AK7: variants seen among roughly 807,000 people sequenced by gnomAD.
AK7 encodes adenylate kinase 7.
Under a neutral mutation model 96.6 loss-of-function variants are expected in AK7, and 78 were observed. The ratio of observed to expected loss-of-function variants is 0.81; its 90% CI spans 0.67 to 0.97. The LOEUF is 0.97. Ranked by LOEUF, AK7 falls within the 50% of genes least tolerant of loss-of-function variation. AK7 has a pLI of 0.00. For missense variants in AK7, 855 were observed against 887.9 expected (o/e 0.96, Z 0.47); for synonymous variants, 302 against 317.2 (o/e 0.95, Z 0.51).
intron 8 of AK7, among the ~76,000 whole-genome samples, chr14:96,448,895 G>A (rs547573553): frequency 1.3e-5 from 2 of 152,246 alleles, no homozygotes; most frequent in African/African-American, 4.8e-5. Flanking sequence ...GGCAGAGGTT[G>A]CAGTGAGCTG....
At chr14:96,445,071 C>T (rs1182450509) in intron 7 of AK7, among the ~76,000 whole-genome samples, 1 of 152,206 alleles carries the variant, frequency 6.6e-6, no homozygotes. Flanking sequence ...AGGAAACTAA[C>T]TTTGAAATGA....
intron 8 of AK7, among the ~76,000 whole-genome samples, chr14:96,448,783 C>T (rs947599568): frequency 2.0e-5 from 3 of 151,970 alleles, no homozygotes; most frequent in South Asian, 4.2e-4. Context: ...TGGTGAAAAC[C>T]CTTCTCTACT....
chr14:96,401,087 T>C (rs1890383330), intron 2 of AK7, among the ~76,000 whole-genome samples: 1 of 152,168 alleles, frequency 6.6e-6, no homozygotes. Context: ...CTCATAGCCA[T>C]GTGCCTTAGT....
chr14:96,392,319 C>T, intron 1 of AK7, 60 bp downstream of exon 1: 1 of 1,489,358 alleles, frequency 6.7e-7, no homozygotes, highest in Non-Finnish European at 9.3e-7. Context: ...CCCTCGGCCC[C>T]CGGTCCGCAA....
chr14:96,488,145 T>G (rs1282368256), intron 17 of AK7, 160 bp from the exon 18 acceptor site: 1 of 549,548 alleles, frequency 1.8e-6, no homozygotes, highest in African/African-American at 1.9e-5. Context: ...ACTCCTGACC[T>G]CAAGTGATCC....
At chr14:96,487,225 A>C (rs1460882123) in intron 17 of AK7, among the ~76,000 whole-genome samples, 169 bp downstream of exon 17, 2 of 149,942 alleles carry the variant, frequency 1.3e-5, no homozygotes, top group African/African-American at 4.9e-5. Flanking sequence ...AATACAAAAA[A>C]AAAAAAAAAA....
intron 15 of AK7, among the ~76,000 whole-genome samples, chr14:96,481,293 G>T (rs921407913): frequency 2.1e-4 from 32 of 152,064 alleles, no homozygotes; most frequent in African/African-American, 7.2e-4. Flanking sequence ...TGATATCAAG[G>T]TTGTAACTAC....
At position 96,398,221 on chromosome 14, in the gene AK7, G is replaced by C; in HGVS notation, c.252G>C (p.Lys84Asn). The C allele has an allele frequency of 1.9e-6, 3 of 1,613,802 alleles. No individual in the cohort carries two copies. The highest frequency in any genetic ancestry group is 2.5e-6 in the Non-Finnish European group (3 of 1,180,028). Reference protein sequence around the residue: ...GTFQIVGTLSKPDSPRPDFAV... With the variant: ...GTFQIVGTLSNPDSPRPDFAV... ...TCCAGATTGTGGGCACGCTGTCCAA[G>C]CCTGACAGCCCGCGGCCTGACTTTG... Residue 84 changes from lysine (K) to asparagine (N), a missense_variant, in exon 2 of 18, where the codon AAG becomes AAC. Transcript: ENST00000267584.
At chr14:96,474,587 T>G (rs1168676012) in intron 14 of AK7, among the ~76,000 whole-genome samples, 1 of 152,028 alleles carries the variant, frequency 6.6e-6, no homozygotes, top group Admixed American at 6.6e-5. Flanking sequence ...ATTACACCAC[T>G]GCACTCCAGC....
At chr14:96,462,471 C>A (rs1454765017) in intron 12 of AK7, among the ~76,000 whole-genome samples, 1 of 152,180 alleles carries the variant, frequency 6.6e-6, no homozygotes, top group Non-Finnish European at 1.5e-5. Flanking sequence ...ATGATTCTAG[C>A]AAAACGAGTT....
chr14:96,449,808 A>C lies in AK7; in HGVS notation c.877A>C (p.Ser293Arg). ...HTLEDIVKCI[S>R]KNTGPGKIQK... Reference sequence around the variant, plus strand: ...TTCGATTTTCCTCTAACAGTGTATCAGTAAAAATACTGGCCCTGGGAAAAT... The same window carrying C: ...TTCGATTTTCCTCTAACAGTGTATCCGTAAAAATACTGGCCCTGGGAAAAT... Residue 293 changes from serine to arginine, a missense_variant, in exon 9 of 18, where the codon AGT (serine) becomes CGT (arginine). By Grantham distance (110) the Ser-to-Arg change is moderately radical. Coordinates refer to ENST00000267584, the MANE Select transcript of AK7 (RefSeq NM_152327.5). 4 of 1,608,964 alleles carry C rather than the reference A, an allele frequency of 2.5e-6. No individual in the cohort carries two copies. Among genetic ancestry groups the C allele is most frequent in the Non-Finnish European group, 3.4e-6 (4 of 1,176,678 alleles).
chr14:96,403,162 C>T (rs1890518133), intron 2 of AK7, among the ~76,000 whole-genome samples: 1 of 132,312 alleles, frequency 7.6e-6, no homozygotes, highest in Admixed American at 7.5e-5. Flanking sequence ...AAATGGAGGT[C>T]ATTAAAGTGG....
intron 4 of AK7, among the ~76,000 whole-genome samples, chr14:96,410,001 A>G (rs913867537): frequency 1.3e-5 from 2 of 152,244 alleles, no homozygotes; most frequent in African/African-American, 4.8e-5. Context: ...ATGATACACC[A>G]TTGATCCCAG....
chr14:96,431,526 T>A (rs1375961820), intron 5 of AK7, among the ~76,000 whole-genome samples: 1 of 152,252 alleles, frequency 6.6e-6, no homozygotes, highest in East Asian at 1.9e-4. Context: ...TACCCAGTAG[T>A]CATTCAGGAG....
chr14:96,458,841 T>C (rs1351321456), intron 12 of AK7, among the ~76,000 whole-genome samples: 1 of 142,694 alleles, frequency 7.0e-6, no homozygotes, highest in African/African-American at 2.7e-5. Context: ...GCCTGGGAAG[T>C]TGAAGCTGTA....
chr14:96,428,122 C>T (rs1348574763), intron 5 of AK7, among the ~76,000 whole-genome samples: 3 of 152,148 alleles, frequency 2.0e-5, no homozygotes, highest in Non-Finnish European at 2.9e-5. Flanking sequence ...CATCCCCCCA[C>T]CTTACGACAG....
Position 96,437,903 on chromosome 14 carries a change from C to T in AK7, c.678C>T (p.His226=). 4 of 1,613,536 alleles carry T rather than the reference C, an allele frequency of 2.5e-6. No individual in the cohort carries two copies. Among genetic ancestry groups the T allele is most frequent in the Non-Finnish European group, 3.4e-6 (4 of 1,179,720 alleles). The change falls in exon 6 of 18, where the codon CAC becomes CAT. Residue 226 remains histidine, a synonymous_variant. Coordinates refer to ENST00000267584, the MANE Select transcript of AK7 (RefSeq NM_152327.5). ...ATGGAGCGGAAGGAGGCATGTTACA[C>T]ACATTTTTTAAGGTATGGCTTTCAA... ...LQYGAEGGML[H]TFFKMAWLGE...
At chr14:96,457,342 T>G (rs1054214141) in intron 11 of AK7, among the ~76,000 whole-genome samples, 1 of 152,202 alleles carries the variant, frequency 6.6e-6, no homozygotes, top group African/African-American at 2.4e-5. Flanking sequence ...ATTACAAGTG[T>G]GAGCCACCGT....
chr14:96,480,785 T>G (rs1462920338), intron 15 of AK7, among the ~76,000 whole-genome samples: 1 of 152,182 alleles, frequency 6.6e-6, no homozygotes, highest in Non-Finnish European at 1.5e-5. Flanking sequence ...TCTCATCCTG[T>G]GCCCATCTCA....
Sources: allele counts gnomAD v4.1 joint callset (sites outside exome capture counted in the v4.1 genomes callset), GRCh38; gene constraint gnomAD v4.1.1; transcripts MANE v1.5; gene names NCBI Gene and HGNC (gene_info 2026-07-23, HGNC 2026-07-21).